Variants in LRRC4C observed in about 807,000 individuals in gnomAD.
LRRC4C encodes leucine rich repeat containing 4C, also known as leucine-rich repeat-containing protein 4C.
Under a neutral mutation model 33.6 loss-of-function variants are expected in LRRC4C, and 5 were observed. The ratio of observed to expected loss-of-function variants is 0.15; its 90% confidence interval spans 0.08 to 0.31. LRRC4C has a LOEUF of 0.31. Among genes scored for constraint, LRRC4C ranks in the 10% least tolerant of loss-of-function variants. The pLI is 1.00. For missense variants in LRRC4C, 560 were observed against 796.7 expected (o/e 0.70, Z 3.58); for synonymous variants, 329 against 302.0 (o/e 1.09, Z -0.93).
At chr11:41,437,848 G>A (rs1231001927) in intron 1 of LRRC4C, among the ~76,000 whole-genome samples, 1 of 152,038 alleles carries the variant, frequency 6.6e-6, no homozygotes, top group East Asian at 1.9e-4. Context: ...GACCAGCCTG[G>A]CTAACATGGT....
chr11:41,305,720 G>A (rs1375212685), intron 1 of LRRC4C, among the ~76,000 whole-genome samples: 1 of 110,048 alleles, frequency 9.1e-6, no homozygotes, highest in Non-Finnish European at 2.0e-5. Context: ...CTCGTTAAGA[G>A]TCATCACCAA....
At position 41,447,158 on chromosome 11, in the gene LRRC4C, T is replaced by A. The variant is rs572413189; in HGVS notation, c.-496+12273A>T. On this transcript the variant is annotated intron_variant, in intron 1 of 6. Coordinates refer to ENST00000528697, the MANE Select transcript of LRRC4C (RefSeq NM_001258419.2). ...TCCTTTAAAACAGGACTGCATCTTC[T>A]CACGTCCCAGCTCTAACAATTATTA... Among the ~76,000 whole-genome samples, 11 of 152,294 alleles carry A rather than the reference T, an allele frequency of 7.2e-5. No individual in the cohort carries two copies. The South Asian group carries it at 2.3e-3, about 32-fold the overall frequency.
intron 3 of LRRC4C, among the ~76,000 whole-genome samples, chr11:40,406,008 C>A (rs1023619521): frequency 2.0e-5 from 3 of 152,020 alleles, no homozygotes; most frequent in Non-Finnish European, 4.4e-5. Flanking sequence ...CACTGTATAT[C>A]GGATCTCTTT....
intron 1 of LRRC4C, among the ~76,000 whole-genome samples, chr11:41,075,027 T>TTTTTTTTTTTTTTTTTTTTA (rs764193977): frequency 9.7e-6 from 1 of 102,974 alleles, no homozygotes; most frequent in Non-Finnish European, 1.9e-5. Context: ...TTTTTTTTTT[T>TTTTTTTTTTTTTTTTTTTTA]TTTTTTTTTA....
Position 40,886,550 on chromosome 11 carries a change from C to CTT in LRRC4C, c.-407+47083_-407+47084dup, listed in dbSNP as rs539867380. Among the ~76,000 whole-genome samples, 6 of 147,530 alleles carry CTT rather than the reference C, an allele frequency of 4.1e-5. No homozygotes were observed. The East Asian group carries it at 1.2e-3, about 29-fold the overall frequency. ...GAGTAGAAACAAAAGGGAGTTCTCTCTTTTTTTTTTAATTAAGGAGTTTAT... is the reference window on the plus strand; with the variant it reads ...GAGTAGAAACAAAAGGGAGTTCTCTCTTTTTTTTTTTTAATTAAGGAGTTTAT... On this transcript the variant is annotated intron_variant, in intron 2 of 6. Transcript: ENST00000528697.
intron 6 of LRRC4C, among the ~76,000 whole-genome samples, chr11:40,122,406 C>T (rs150137988): frequency 1.3e-5 from 2 of 152,096 alleles, no homozygotes; most frequent in African/African-American, 4.8e-5. Context: ...GATGCTCTCC[C>T]TTCCCCCACA....
intron 5 of LRRC4C, among the ~76,000 whole-genome samples, chr11:40,188,653 TCTCATG>T (rs1160608194): frequency 3.9e-5 from 6 of 152,218 alleles, no homozygotes; most frequent in African/African-American, 1.4e-4. Flanking sequence ...AAGGTTCCTT[TCTCATG>T]CTCTATAAAC....
chr11:40,796,447 C>T (rs541982715), intron 2 of LRRC4C, among the ~76,000 whole-genome samples: 1 of 151,992 alleles, frequency 6.6e-6, no homozygotes, highest in Non-Finnish European at 1.5e-5. Flanking sequence ...GTGAAAGAGG[C>T]CACTTTAGCC....
chr11:41,099,139 A>G (rs566554750), intron 1 of LRRC4C, among the ~76,000 whole-genome samples: 1 of 152,226 alleles, frequency 6.6e-6, no homozygotes, highest in Non-Finnish European at 1.5e-5. Flanking sequence ...AACTAGTAAG[A>G]AATTGACTCC....
chr11:40,273,807 G>T (rs576670476), intron 4 of LRRC4C, among the ~76,000 whole-genome samples: 4 of 152,234 alleles, frequency 2.6e-5, no homozygotes, highest in African/African-American at 9.6e-5. Context: ...ATGATTATTG[G>T]AAACAGAAAT....
chr11:40,601,943 C>A (rs1288283804), intron 3 of LRRC4C, among the ~76,000 whole-genome samples: 5 of 151,952 alleles, frequency 3.3e-5, no homozygotes, highest in Admixed American at 3.3e-4. Flanking sequence ...GTAATCCCAG[C>A]ACTTTGGAAG....
chr11:40,976,714 A>T (rs750628906), intron 1 of LRRC4C, among the ~76,000 whole-genome samples: 1 of 152,158 alleles, frequency 6.6e-6, no homozygotes, highest in Non-Finnish European at 1.5e-5. Flanking sequence ...GAGAGAGTAT[A>T]CAAAAAGGAT....
chr11:41,226,741 T>TACACACACACAC (rs59285418), intron 1 of LRRC4C, among the ~76,000 whole-genome samples: 3,470 of 137,064 alleles, frequency 0.025, 74 homozygotes, highest in East Asian at 0.07. Flanking sequence ...TCCTTACCAT[T>TACACACACACAC]ACACACACAC....
At chr11:41,132,445 T>C (rs1036123719) in intron 1 of LRRC4C, among the ~76,000 whole-genome samples, 3 of 152,114 alleles carry the variant, frequency 2.0e-5, no homozygotes, top group African/African-American at 7.2e-5. Context: ...GAAATGATGA[T>C]ATATCCTAAT....
intron 2 of LRRC4C, among the ~76,000 whole-genome samples, chr11:40,825,532 T>C (rs1952123931): frequency 6.6e-6 from 1 of 151,978 alleles, no homozygotes; most frequent in African/African-American, 2.4e-5. Context: ...ATACACTGGC[T>C]ATAACAATAA....
At chr11:41,110,189 T>TA (rs1941749077) in intron 1 of LRRC4C, among the ~76,000 whole-genome samples, 1 of 152,084 alleles carries the variant, frequency 6.6e-6, no homozygotes, top group Non-Finnish European at 1.5e-5. Context: ...CTGGGTGACT[T>TA]ACGGCTTATT....
At chr11:41,372,114 G>A (rs966287913) in intron 1 of LRRC4C, among the ~76,000 whole-genome samples, 1 of 152,174 alleles carries the variant, frequency 6.6e-6, no homozygotes, top group Non-Finnish European at 1.5e-5. Flanking sequence ...TCCAGCCTGG[G>A]CACCTGGGCG....
At chr11:40,367,450 A>G (rs1948259922) in intron 3 of LRRC4C, among the ~76,000 whole-genome samples, 2 of 152,128 alleles carry the variant, frequency 1.3e-5, no homozygotes, top group Admixed American at 6.6e-5. Context: ...TTGATGCTGC[A>G]CTAGTATTTC....
chr11:40,853,098 C>G (rs1186698242), intron 2 of LRRC4C, among the ~76,000 whole-genome samples: 2 of 152,122 alleles, frequency 1.3e-5, no homozygotes, highest in South Asian at 2.1e-4. Context: ...CACAGCCTTC[C>G]TAACATTGTA....
Sources: gnomAD v4.1 joint callset for allele counts (sites outside exome capture counted in the v4.1 genomes callset) on GRCh38, gnomAD v4.1.1 for gene constraint, MANE v1.5 for transcripts, NCBI Gene and HGNC (gene_info 2026-07-23, HGNC 2026-07-21) for gene names.